CSMD1: variants seen among roughly 807,000 people sequenced by gnomAD.
CSMD1 encodes the protein CUB and sushi domain-containing protein 1.
CSMD1 carries 213 observed loss-of-function variants against 417.5 expected under a neutral mutation model. The observed-to-expected ratio is 0.51, with a 90% CI of 0.46 to 0.57. The LOEUF (loss-of-function observed/expected upper bound fraction) is 0.57. Ranked by LOEUF, CSMD1 falls within the 20% of genes least tolerant of loss-of-function variation. CSMD1 has a pLI of 0.00. For synonymous variants in CSMD1, 2,862 were observed against 1,736.8 expected, an observed-to-expected ratio of 1.65 and a Z score of -16.11; for missense variants, 6,923 against 4,529.7, an observed-to-expected ratio of 1.53 and a Z score of -15.17.
chr8:3,752,556 A>G (rs1797396962), intron 6 of CSMD1, among the ~76,000 whole-genome samples: 1 of 151,796 alleles, frequency 6.6e-6, no homozygotes, highest in Non-Finnish European at 1.5e-5. Flanking sequence ...CGGGAGCCTG[A>G]GACAGGAGAA....
At chr8:3,104,790 C>T (rs951988610) in intron 46 of CSMD1, among the ~76,000 whole-genome samples, 1 of 151,664 alleles carries the variant, frequency 6.6e-6, no homozygotes, top group Non-Finnish European at 1.5e-5. Flanking sequence ...TCACTGCAAC[C>T]TCCACCTCCT....
At chr8:4,499,256 G>A (rs1802130869) in intron 2 of CSMD1, among the ~76,000 whole-genome samples, 1 of 152,200 alleles carries the variant, frequency 6.6e-6, no homozygotes, top group Admixed American at 6.6e-5. Flanking sequence ...TTCTGGATAA[G>A]CACAGGAAAG....
chr8:4,333,027 C>G (rs937015599), intron 3 of CSMD1, among the ~76,000 whole-genome samples: 1 of 151,500 alleles, frequency 6.6e-6, no homozygotes, highest in Non-Finnish European at 1.5e-5. Flanking sequence ...TATTTCTCAT[C>G]CCACACACAG....
intron 1 of CSMD1, among the ~76,000 whole-genome samples, chr8:4,761,878 T>C (rs4510889): frequency 0.043 from 4,620 of 107,634 alleles, 103 homozygotes; most frequent in Non-Finnish European, 0.051. Flanking sequence ...TATCTATCTA[T>C]CTATCTATCT....
At chr8:3,082,221 C>G (rs1419744469) in intron 49 of CSMD1, among the ~76,000 whole-genome samples, 1 of 152,180 alleles carries the variant, frequency 6.6e-6, no homozygotes, top group African/African-American at 2.4e-5. Context: ...AGGATGCGTG[C>G]CAATCATTCA....
At chr8:3,370,072 T>A (rs535082977) in intron 18 of CSMD1, among the ~76,000 whole-genome samples, 1 of 152,376 alleles carries the variant, frequency 6.6e-6, no homozygotes, top group African/African-American at 2.4e-5. Context: ...TGGTACCTAC[T>A]GATAGATACT....
intron 3 of CSMD1, among the ~76,000 whole-genome samples, chr8:4,301,600 A>G (rs571013573): frequency 1.3e-5 from 2 of 152,352 alleles, no homozygotes; most frequent in Non-Finnish European, 2.9e-5. Flanking sequence ...TCAAGATTGT[A>G]TAAGCTGAAC....
intron 26 of CSMD1, among the ~76,000 whole-genome samples, chr8:3,257,500 G>A (rs1434497597): frequency 1.3e-5 from 2 of 152,212 alleles, no homozygotes; most frequent in African/African-American, 2.4e-5. Flanking sequence ...GACAGTGACA[G>A]TGCGTTGGGA....
intron 3 of CSMD1, among the ~76,000 whole-genome samples, chr8:4,171,235 C>T (rs906093545): frequency 4.6e-5 from 7 of 151,876 alleles, no homozygotes; most frequent in African/African-American, 1.5e-4. Flanking sequence ...CCAGCTCAAC[C>T]GTTCACTTGT....
At chr8:3,292,267 T>G (rs911385904) in intron 25 of CSMD1, among the ~76,000 whole-genome samples, 1 of 152,112 alleles carries the variant, frequency 6.6e-6, no homozygotes, top group Admixed American at 6.6e-5. Context: ...AGTTTTGGAG[T>G]AGGTGTGGTG....
intron 8 of CSMD1, among the ~76,000 whole-genome samples, chr8:3,596,173 G>A (rs979597624): frequency 4.2e-4 from 64 of 152,292 alleles, no homozygotes; most frequent in Middle Eastern, 3.4e-3. Context: ...CAGAGACATG[G>A]GAGAAGGAAG....
At chr8:3,245,344 CA>C (rs1435885554) in intron 26 of CSMD1, among the ~76,000 whole-genome samples, 1 of 152,080 alleles carries the variant, frequency 6.6e-6, no homozygotes, top group East Asian at 1.9e-4. Context: ...AGGGCATTTG[CA>C]AAACAAAAGT....
At chr8:4,123,757 G>C (rs564107727) in intron 3 of CSMD1, among the ~76,000 whole-genome samples, 2 of 152,104 alleles carry the variant, frequency 1.3e-5, no homozygotes, top group African/African-American at 4.8e-5. Flanking sequence ...TTTATGCTGT[G>C]ATAATTTACT....
In CSMD1 at chr8:4,725,029, T is replaced by C. The variant is rs535842266; in HGVS notation, c.86-87471A>G. ...TGAAAGAACACGTTTTAAATATTTA[T>C]ACTTTTGCTATTTTAAACATAAAAG... On this transcript the variant is annotated intron_variant, in intron 1 of 69. Coordinates refer to ENST00000635120, the MANE Select transcript of CSMD1 (RefSeq NM_033225.6). Among the ~76,000 whole-genome samples the C allele has an allele frequency of 1.1e-4, 17 of 152,296 alleles. No individual in the cohort carries two copies. In the South Asian group the frequency reaches 2.3e-3, roughly 20 times the overall value.
At chr8:4,279,339 C>T (rs1414293678) in intron 3 of CSMD1, among the ~76,000 whole-genome samples, 3 of 152,164 alleles carry the variant, frequency 2.0e-5, no homozygotes, top group East Asian at 1.9e-4. Context: ...CAAGACTAGA[C>T]AGATACAGGT....
rs140408583 is a variant in CSMD1, at chr8:3,619,831, A to T, written c.1010-3034T>A. ...TGGCTCACACAACGTAATATATTCA[A>T]TAGAATTTGTATTTAATTCCAACAC... On this transcript the variant is annotated intron_variant, in intron 7 of 69. Transcript: ENST00000635120. Among the ~76,000 whole-genome samples the T allele has an allele frequency of 1.7e-3, 258 of 152,300 alleles. 1 individual carries two copies. Among genetic ancestry groups the T allele is most frequent in the African/African-American group, 5.9e-3 (245 of 41,572 alleles).
At chr8:4,395,731 A>G (rs1468660935) in intron 3 of CSMD1, among the ~76,000 whole-genome samples, 3 of 151,924 alleles carry the variant, frequency 2.0e-5, no homozygotes, top group African/African-American at 7.3e-5. Flanking sequence ...TAGCAGCTAC[A>G]AATGTTTCTG....
chr8:4,211,631 T>C (rs1172687073), intron 3 of CSMD1, among the ~76,000 whole-genome samples: 1 of 152,200 alleles, frequency 6.6e-6, no homozygotes, highest in African/African-American at 2.4e-5. Flanking sequence ...ACAGTAAATA[T>C]CCCATCGTAC....
At chr8:2,949,113 C>T (rs550043954) in intron 68 of CSMD1, among the ~76,000 whole-genome samples, 186 bp downstream of exon 68, 4 of 151,344 alleles carry the variant, frequency 2.6e-5, no homozygotes, top group African/African-American at 7.3e-5. Flanking sequence ...GCATTATTTC[C>T]GGCTTTGTGT....
Sources: allele counts gnomAD v4.1 joint callset (sites outside exome capture counted in the v4.1 genomes callset), GRCh38; gene constraint gnomAD v4.1.1; transcripts MANE v1.5; gene names NCBI Gene and HGNC (gene_info 2026-07-23, HGNC 2026-07-21).